Variants in RADIL observed in about 807,000 individuals in gnomAD.
The protein encoded by RADIL is ras-associating and dilute domain-containing protein.
RADIL carries 99 observed loss-of-function variants against 97.6 expected under a neutral mutation model. The observed-to-expected ratio is 1.01, with a 90% CI of 0.86 to 1.20. The LOEUF (loss-of-function observed/expected upper bound fraction) is 1.20, where lower values mean the gene tolerates loss of function less well. RADIL is among the 50% of genes most tolerant of loss of function. The pLI, the probability that RADIL is intolerant of heterozygous loss-of-function variation, is 0.00. For synonymous variants in RADIL, 803 were observed against 691.8 expected (o/e 1.16, Z -2.52); for missense variants, 1,765 against 1,498.9 (o/e 1.18, Z -2.93).
rs369512689 is a variant in RADIL, at chr7:4,799,749, G to A, written c.3003C>T (p.Pro1001=). 320 of 1,546,820 alleles carry A rather than the reference G, an allele frequency of 2.1e-4. No individual in the cohort carries two copies. Among genetic ancestry groups the A allele is most frequent in the Middle Eastern group, 1.3e-3 (7 of 5,598 alleles). The change falls in exon 14 of 15, where the codon CCC becomes CCT. Residue 1001 remains proline, a synonymous_variant. Transcript: ENST00000399583. ...IDGMHTHLGA[P]GLYIQTLLPG... ...GGAGCAGGGTCTGGATGTAGAGCCC[G>A]GGGGCGCCCAGGTGCGTGTGCTGGG...
chr7:4,856,258 T>A (rs1257013880), intron 2 of RADIL, among the ~76,000 whole-genome samples: 2 of 152,036 alleles, frequency 1.3e-5, no homozygotes, highest in Non-Finnish European at 2.9e-5. Flanking sequence ...TACAGGTACA[T>A]GCCACCACAC....
chr7:4,801,901 G>A lies in RADIL; in HGVS notation c.2594C>T (p.Pro865Leu), dbSNP rs765026527. Residue 865 changes from proline (P) to leucine (L), a missense_variant, in exon 12 of 15, where the codon CCG becomes CTG. Coordinates refer to ENST00000399583, the MANE Select transcript of RADIL (RefSeq NM_018059.5). The part of the protein sequence containing the change: ...DPGPAAREVA[P>L]ERTLPLRGAP... The stretch of plus-strand genomic sequence containing the variant: ...CCCCCTCAAGGGAAGAGTACGCTCC[G>A]GGGCCACTTCCCGGGCTGCTGGGCC... The A allele has an allele frequency of 8.3e-6, 13 of 1,574,990 alleles. No homozygotes were observed. Among genetic ancestry groups the A allele is most frequent in the African/African-American group, 4.1e-5 (3 of 73,814 alleles).
chr7:4,843,003 A>ATTTTTTTT (rs376252570), intron 2 of RADIL, among the ~76,000 whole-genome samples: 1 of 127,342 alleles, frequency 7.9e-6, no homozygotes. Context: ...GCAAGAGACA[A>ATTTTTTTT]TTTTTTTTTT....
In RADIL at chr7:4,840,812, C is replaced by T. The variant is rs550959115; in HGVS notation, c.536-4207G>A. 7.9e-5 allele frequency among the ~76,000 whole-genome samples: 12 copies of T among 152,214 alleles called. No individual in the cohort carries two copies. In the East Asian group the frequency reaches 1.7e-3, roughly 22 times the overall value. ...TGAAACCCCGTCTGTACTAAAAATA[C>T]AAAACTTAGCTGGGCGTGGAGGTGG... On this transcript the variant is annotated intron_variant, in intron 2 of 14. Transcript: ENST00000399583. This position sits in a 1 kb window ranked among gnomAD's most constrained non-coding sequence, Gnocchi z 5.6.
chr7:4,827,744 TC>T (rs1392312544), intron 5 of RADIL, among the ~76,000 whole-genome samples: 7 of 152,120 alleles, frequency 4.6e-5, no homozygotes, highest in Non-Finnish European at 1.0e-4. Flanking sequence ...CGGGTCTCCC[TC>T]CCCGAGGACT....
At chr7:4,859,743 C>A (rs1456791281) in intron 2 of RADIL, 2 of 614,594 alleles carry the variant, frequency 3.3e-6, no homozygotes, top group Non-Finnish European at 5.8e-6. Context: ...CCGGAAAGAT[C>A]TATACTGATG....
At chr7:4,859,525 GC>G (rs1783920326) in intron 2 of RADIL, 1 of 199,202 alleles carries the variant, frequency 5.0e-6, no homozygotes, top group African/African-American at 2.4e-5. Flanking sequence ...ATCAAGACTG[GC>G]TCAGTAAAGG....
Position 4,873,672 on chromosome 7 carries a change from C to T in RADIL, c.535+3933G>A, listed in dbSNP as rs1026445236. On this transcript the variant is annotated intron_variant, in intron 2 of 14. Coordinates refer to ENST00000399583, the MANE Select transcript of RADIL (RefSeq NM_018059.5). This position sits in a 1 kb window ranked among gnomAD's most constrained non-coding sequence, Gnocchi z 4.3. ...TGCAGCCCCCCACCTTCCCCCAAAG[C>T]GACACGGTGACACATGCCCCACACT... Among the ~76,000 whole-genome samples the T allele has an allele frequency of 1.3e-5, 2 of 152,192 alleles. No individual in the cohort carries two copies. The highest frequency in any genetic ancestry group is 4.8e-5 in the African/African-American group (2 of 41,450).
At chr7:4,844,451 CAAGAA>C (rs1239483026) in intron 2 of RADIL, among the ~76,000 whole-genome samples, 3 of 151,750 alleles carry the variant, frequency 2.0e-5, no homozygotes, top group East Asian at 3.9e-4. Context: ...CTAAAAAAAA[CAAGAA>C]AAGAAAAGAA....
chr7:4,836,195 T>C (rs896206640), intron 3 of RADIL, among the ~76,000 whole-genome samples, 163 bp downstream of exon 3: 1 of 152,230 alleles, frequency 6.6e-6, no homozygotes, highest in African/African-American at 2.4e-5. Context: ...ACTCCACATG[T>C]GCCCCCGCCA....
At chr7:4,853,505 G>A (rs1028577834) in intron 2 of RADIL, among the ~76,000 whole-genome samples, 2 of 152,120 alleles carry the variant, frequency 1.3e-5, no homozygotes, top group Non-Finnish European at 2.9e-5. Flanking sequence ...CACTTTGGGA[G>A]GCCAGGGCGG....
intron 9 of RADIL, among the ~76,000 whole-genome samples, chr7:4,811,746 C>CA (rs2115181494): frequency 6.6e-6 from 1 of 152,232 alleles, no homozygotes; most frequent in South Asian, 2.1e-4. Context: ...CTCGGCCTCC[C>CA]AAAGTGCTGG....
intron 2 of RADIL, among the ~76,000 whole-genome samples, chr7:4,862,905 AAAAT>A (rs1427527307): frequency 2.0e-5 from 3 of 151,406 alleles, no homozygotes; most frequent in East Asian, 1.9e-4. Flanking sequence ...CTCAAAAAAA[AAAAT>A]AAAATTAAAA....
rs544445373 is a variant in RADIL at position 4,821,997 on chromosome 7, A to G, written c.1615+397T>C. ...GTGTCTCAGAACGGGCGGCGGTCTC[A>G]TGGCCGACGCTCTCTCTACCGCCCC... On this transcript the variant is annotated intron_variant, in intron 6 of 14. Coordinates refer to ENST00000399583, the MANE Select transcript of RADIL (RefSeq NM_018059.5). This position sits in a 1 kb window ranked among gnomAD's most constrained non-coding sequence, Gnocchi z 5.2. Among the ~76,000 whole-genome samples, 357 of 152,098 alleles carry G rather than the reference A, an allele frequency of 2.3e-3. No individual in the cohort carries two copies. The highest frequency in any genetic ancestry group is 8.0e-3 in the African/African-American group (332 of 41,488).
intron 11 of RADIL, among the ~76,000 whole-genome samples, chr7:4,802,421 C>T (rs191325075): frequency 8.9e-3 from 1,142 of 128,832 alleles, no homozygotes; most frequent in South Asian, 0.037. Flanking sequence ...CCTCCCCGGG[C>T]ACCTCGGGGC....
intron 2 of RADIL, among the ~76,000 whole-genome samples, chr7:4,870,009 T>G (rs1784216937): frequency 1.3e-5 from 2 of 152,218 alleles, no homozygotes; most frequent in South Asian, 4.1e-4. Flanking sequence ...TGTGTTGGCA[T>G]GTGCCTGTGT....
intron 2 of RADIL, among the ~76,000 whole-genome samples, chr7:4,844,399 C>T (rs1397974198): frequency 6.6e-6 from 1 of 151,716 alleles, no homozygotes; most frequent in Non-Finnish European, 1.5e-5. Flanking sequence ...GAGCTGAGAT[C>T]GCACCACTGC....
At chr7:4,861,163 T>C in intron 2 of RADIL, 7 of 1,614,270 alleles carry the variant, frequency 4.3e-6, no homozygotes, top group Non-Finnish European at 5.9e-6. Flanking sequence ...TGTCAATGTT[T>C]GGCACTAGAT....
chr7:4,802,861 C>T (rs1274587595), intron 11 of RADIL, among the ~76,000 whole-genome samples: 2 of 123,004 alleles, frequency 1.6e-5, no homozygotes, highest in Admixed American at 7.4e-5. Flanking sequence ...ACCCCCTCCC[C>T]GGGCACCTCG....
Sources: gnomAD v4.1 joint callset for allele counts (sites outside exome capture counted in the v4.1 genomes callset) on GRCh38, gnomAD v4.1.1 for gene constraint, Gnocchi (gnomAD v3.1) non-coding constraint, MANE v1.5 for transcripts, NCBI Gene and HGNC (gene_info 2026-07-23, HGNC 2026-07-21) for gene names.